ALPL: variants seen among roughly 807,000 people sequenced by gnomAD.
The protein encoded by ALPL is alkaline phosphatase, tissue-nonspecific isozyme.
In ALPL, 42 loss-of-function variants were observed where a neutral mutation model predicts 51.3. That is an observed-to-expected ratio of 0.82 (90% CI 0.64 to 1.06). The LOEUF is 1.06. Ranked by LOEUF, ALPL falls within the 50% of genes least tolerant of loss-of-function variation. The pLI is 0.00. For synonymous variants in ALPL, 279 were observed against 296.4 expected (o/e 0.94, Z 0.60); for missense variants, 589 against 709.4 (o/e 0.83, Z 1.93).
intron 9 of ALPL, chr1:21,574,425 G>A (rs1644697062): frequency 6.2e-6 from 1 of 162,352 alleles, no homozygotes. Flanking sequence ...GTTAAGGCGG[G>A]AACAATAGGA....
chr1:21,531,145 G>T (rs1023467631), intron 1 of ALPL, among the ~76,000 whole-genome samples: 1 of 152,026 alleles, frequency 6.6e-6, no homozygotes, highest in Non-Finnish European at 1.5e-5. Context: ...GTAGAGATGA[G>T]ATGGGGTTTC....
At chr1:21,526,008 G>T (rs1194450189) in intron 1 of ALPL, among the ~76,000 whole-genome samples, 2 of 152,228 alleles carry the variant, frequency 1.3e-5, no homozygotes, top group South Asian at 2.1e-4. Context: ...AACAAAAAGA[G>T]TGTGTACAGA....
chr1:21,575,624 C>T (rs1342689406), intron 9 of ALPL, 109 bp from the exon 10 acceptor site: 4 of 1,380,188 alleles, frequency 2.9e-6, no homozygotes, highest in East Asian at 2.3e-5. Context: ...GCGAAGGTTC[C>T]TGTCCTTCCC....
intron 8 of ALPL, among the ~76,000 whole-genome samples, chr1:21,570,629 C>A (rs910274978): frequency 3.3e-5 from 5 of 152,172 alleles, no homozygotes; most frequent in African/African-American, 9.7e-5. Flanking sequence ...GAGTGGCCCG[C>A]GGCATGTGGC....
intron 1 of ALPL, among the ~76,000 whole-genome samples, chr1:21,526,915 T>C (rs899586260): frequency 2.0e-5 from 3 of 152,162 alleles, no homozygotes; most frequent in African/African-American, 7.2e-5. Flanking sequence ...TTCCACACCC[T>C]TCACTGACAT....
intron 4 of ALPL, 59 bp from the exon 5 acceptor site, chr1:21,563,051 G>C: frequency 1.3e-6 from 2 of 1,599,990 alleles, no homozygotes. Flanking sequence ...GTGTAGGCGG[G>C]GTGGGTGCCA....
chr1:21,529,476 A>G (rs540110270), intron 1 of ALPL, among the ~76,000 whole-genome samples: 2 of 152,244 alleles, frequency 1.3e-5, no homozygotes, highest in South Asian at 4.1e-4. Flanking sequence ...TGGACCTTCC[A>G]AAGTGTTGGA....
chr1:21,523,254 G>A (rs1643901558), intron 1 of ALPL, among the ~76,000 whole-genome samples: 1 of 152,192 alleles, frequency 6.6e-6, no homozygotes, highest in Admixed American at 6.5e-5. Flanking sequence ...AGCTGAGATT[G>A]TCCCACTGTA....
rs182314845 is a variant in ALPL, at chr1:21,566,887, G to T, written c.649-1217G>T. Among the ~76,000 whole-genome samples the T allele has an allele frequency of 8.3e-3, 1,269 of 152,254 alleles. 6 individuals are homozygous for T. Among genetic ancestry groups the T allele is most frequent in the Middle Eastern group, 0.024 (7 of 294 alleles). ...GCTGGGATTACAGGCATGAGCCACC[G>T]CGCCTGGCCAGTCGCATTTTATGGA... On this transcript the variant is annotated intron_variant, in intron 6 of 11. Coordinates refer to ENST00000374840, the MANE Select transcript of ALPL (RefSeq NM_000478.6).
chr1:21,561,281 C>G (rs997459236), intron 4 of ALPL, 69 bp downstream of exon 4: 3 of 1,395,540 alleles, frequency 2.1e-6, no homozygotes, highest in Non-Finnish European at 3.0e-6. Flanking sequence ...CTGAACATGA[C>G]AGCAGCCAGA....
In ALPL at chr1:21,509,537, C is replaced by T. The variant is rs1238439399; in HGVS notation, c.-105+20C>T. 6.6e-6 allele frequency: 1 copy of T among 152,212 alleles called. No homozygotes were observed. The highest frequency in any genetic ancestry group is 1.5e-5 in the Non-Finnish European group (1 of 68,062). 9.4% of individuals were successfully genotyped at this position (152,212 alleles called of 1,614,324 possible). On this transcript the variant is annotated intron_variant, in intron 1 of 11. Coordinates refer to ENST00000374840, the MANE Select transcript of ALPL (RefSeq NM_000478.6). The surrounding 1 kb of genome is among the most constrained non-coding windows in gnomAD (Gnocchi z 6.0). ...GCGCAGGTAAGGATTCGACGCTGCC[C>T]CGCGCCCTGGTTCCCCAGGGCCCCA...
chr1:21,519,899 A>G (rs1643866660), intron 1 of ALPL, among the ~76,000 whole-genome samples: 1 of 152,142 alleles, frequency 6.6e-6, no homozygotes, highest in South Asian at 2.1e-4. Context: ...TAGGTACCCC[A>G]CCTGTTCCCT....
At chr1:21,576,060 C>A in intron 10 of ALPL, 136 bp downstream of exon 10, 2 of 1,110,936 alleles carry the variant, frequency 1.8e-6, no homozygotes, top group Admixed American at 1.9e-5. Flanking sequence ...GGAAGAGTTA[C>A]TGGGGATGGG....
intron 6 of ALPL, 65 bp from the exon 7 acceptor site, chr1:21,568,039 C>T (rs757313320): frequency 1.2e-5 from 20 of 1,610,626 alleles, no homozygotes; most frequent in South Asian, 2.2e-5. Flanking sequence ...GGTTCCAAGC[C>T]GAGGTCACTG....
chr1:21,522,321 G>A (rs527833768), intron 1 of ALPL, among the ~76,000 whole-genome samples: 253 of 152,198 alleles, frequency 1.7e-3, no homozygotes, highest in Non-Finnish European at 3.1e-3. Context: ...TGATCCGCCC[G>A]CCTTGGCCTC....
At chr1:21,521,716 G>T (rs1202174700) in intron 1 of ALPL, among the ~76,000 whole-genome samples, 1 of 152,196 alleles carries the variant, frequency 6.6e-6, no homozygotes, top group African/African-American at 2.4e-5. Flanking sequence ...CAGTTTTCCT[G>T]TTGGCAGTTC....
intron 1 of ALPL, among the ~76,000 whole-genome samples, chr1:21,552,990 G>A (rs573242297): frequency 8.5e-5 from 13 of 152,134 alleles, no homozygotes; most frequent in Non-Finnish European, 1.9e-4. Flanking sequence ...TGTTCTTTGT[G>A]ATTTAACAGG....
intron 1 of ALPL, among the ~76,000 whole-genome samples, chr1:21,513,931 C>T (rs1643741979): frequency 6.6e-6 from 1 of 152,166 alleles, no homozygotes; most frequent in Admixed American, 6.5e-5. Flanking sequence ...CCACCTGCCT[C>T]CCTGACATTA....
chr1:21,577,387 C>G lies in ALPL; in HGVS notation c.1314C>G (p.His438Gln). 1 of 1,613,310 alleles carries G rather than the reference C, an allele frequency of 6.2e-7. No individual in the cohort carries two copies. The highest frequency in any genetic ancestry group is 8.5e-7 in the Non-Finnish European group (1 of 1,179,954). The stretch of plus-strand genomic sequence containing the variant: ...GGTGTTTCCCCTGGCCCACAGCTCA[C>G]AACAACTACCAGGCGCAGTCTGCTG... ...RENVSMVDYA[H>Q]NNYQAQSAVP... is the part of the protein sequence containing the mutation. The change falls in exon 12 of 12, where the codon CAC becomes CAG. Residue 438 changes from histidine (H) to glutamine (Q), a missense_variant. Physicochemically the swap from His to Gln is conservative, Grantham distance 24 (BLOSUM62 0). Coordinates refer to ENST00000374840, the MANE Select transcript of ALPL (RefSeq NM_000478.6).
Sources: gnomAD v4.1 joint callset for allele counts (sites outside exome capture counted in the v4.1 genomes callset) on GRCh38, gnomAD v4.1.1 for gene constraint, Gnocchi (gnomAD v3.1) non-coding constraint, MANE v1.5 for transcripts, NCBI Gene and HGNC (gene_info 2026-07-23, HGNC 2026-07-21) for gene names.